Variants in PMFBP1 observed in about 807,000 individuals in gnomAD.
PMFBP1 encodes the protein polyamine-modulated factor 1-binding protein 1.
Under a neutral mutation model 137.8 loss-of-function variants are expected in PMFBP1, and 131 were observed. That is an observed-to-expected ratio of 0.95 (90% confidence interval 0.82 to 1.10). The LOEUF is 1.10. PMFBP1 is among the 50% of genes least tolerant of loss of function. The probability of loss-of-function intolerance (pLI) is 0.00; values close to 1 mark genes in which losing one functional copy is unlikely to be tolerated. For synonymous variants in PMFBP1, 490 were observed against 450.4 expected, an observed-to-expected ratio of 1.09 and a Z score of -1.11; for missense variants, 1,199 against 1,175.4, an observed-to-expected ratio of 1.02 and a Z score of -0.29.
intron 2 of PMFBP1, among the ~76,000 whole-genome samples, chr16:72,166,393 G>A (rs910734853): frequency 2.6e-5 from 4 of 152,082 alleles, no homozygotes; most frequent in Non-Finnish European, 4.4e-5. Context: ...GTTTCCTTAG[G>A]CCTCCCCAGC....
chr16:72,217,758 C>G, the PMFBP1 span, among the ~76,000 whole-genome samples: 1 of 152,106 alleles, frequency 6.6e-6, no homozygotes, highest in South Asian at 2.1e-4. Context: ...GAGGCTGAGG[C>G]AGGAGAATTG....
the PMFBP1 span, among the ~76,000 whole-genome samples, chr16:72,202,041 A>C: frequency 6.6e-6 from 1 of 152,234 alleles, no homozygotes; most frequent in Non-Finnish European, 1.5e-5. Context: ...GAGAGAAATT[A>C]CTTTTATTCA....
chr16:72,136,068 T>A (rs1395978733), intron 9 of PMFBP1, among the ~76,000 whole-genome samples: 1 of 152,114 alleles, frequency 6.6e-6, no homozygotes, highest in Non-Finnish European at 1.5e-5. Context: ...TATTTGTAAT[T>A]TTAAAAGTGA....
At chr16:72,127,653 A>C (rs1033323305) in intron 14 of PMFBP1, among the ~76,000 whole-genome samples, 2 of 152,244 alleles carry the variant, frequency 1.3e-5, no homozygotes, top group Non-Finnish European at 2.9e-5. Flanking sequence ...TTATAGAACC[A>C]AGAAGTTCTA....
At chr16:72,134,101 G>A (rs1434204883) in intron 9 of PMFBP1, among the ~76,000 whole-genome samples, 6 of 152,096 alleles carry the variant, frequency 3.9e-5, no homozygotes, top group Admixed American at 3.9e-4. Flanking sequence ...GGTCTCTCAA[G>A]TCGCCTGCTT....
At chr16:72,202,725 A>T in the PMFBP1 span, among the ~76,000 whole-genome samples, 4 of 152,198 alleles carry the variant, frequency 2.6e-5, no homozygotes, top group Admixed American at 6.5e-5. Flanking sequence ...TGCTGGGAGC[A>T]CACAGGCATG....
In PMFBP1 at chr16:72,132,824, C is replaced by T. The variant is rs1281972343; in HGVS notation, c.1371G>A (p.Glu457=). 1.2e-6 allele frequency: 2 copies of T among 1,614,098 alleles called. No homozygotes were observed. Among genetic ancestry groups the T allele is most frequent in the Non-Finnish European group, 1.7e-6 (2 of 1,180,042 alleles). Reference sequence around the variant, plus strand: ...GGACCTCAGCCTGCAGGGCCTTGCACTCCGCCTCCTTGGACTTGTCCTGCT... The same window carrying T: ...GGACCTCAGCCTGCAGGGCCTTGCATTCCGCCTCCTTGGACTTGTCCTGCT... ...EAKQDKSKEA[E]CKALQAEVQK... The change falls in exon 10 of 21, where the codon GAG becomes GAA. Residue 457 remains glutamate (E), a synonymous_variant. Transcript: ENST00000237353.
chr16:72,127,124 C>T (rs1242561955), intron 14 of PMFBP1, among the ~76,000 whole-genome samples: 1 of 152,200 alleles, frequency 6.6e-6, no homozygotes, highest in East Asian at 1.9e-4. Context: ...TTCTAGCACA[C>T]CTGCATCTGA....
intron 9 of PMFBP1, among the ~76,000 whole-genome samples, chr16:72,135,008 T>G (rs1004220580): frequency 6.6e-6 from 1 of 152,218 alleles, no homozygotes; most frequent in Non-Finnish European, 1.5e-5. Context: ...ATTTTAGGGC[T>G]CAAAAATATT....
At chr16:72,193,633 T>C in the PMFBP1 span, among the ~76,000 whole-genome samples, 3 of 151,620 alleles carry the variant, frequency 2.0e-5, no homozygotes, top group African/African-American at 4.8e-5. Flanking sequence ...CATCTGTGGA[T>C]GGAAAATTTA....
At chr16:72,204,702 C>T in the PMFBP1 span, among the ~76,000 whole-genome samples, 2 of 152,086 alleles carry the variant, frequency 1.3e-5, no homozygotes, top group African/African-American at 4.8e-5. Flanking sequence ...ACTTGATATA[C>T]CATTTTTTAT....
At position 72,130,366 on chromosome 16, in the gene PMFBP1, A is replaced by C. The variant is rs774813512; in HGVS notation, c.1638-9T>G. The C allele has an allele frequency of 3.1e-5, 50 of 1,614,042 alleles. No homozygotes were observed. The highest frequency in any genetic ancestry group is 5.9e-6 in the Non-Finnish European group (7 of 1,180,010). ...GCTCCTCCACCCGTTTTCTAAAGCAAAATAACAGCCACAGGAGGACAGACT... is the reference window on the plus strand; with the variant it reads ...GCTCCTCCACCCGTTTTCTAAAGCACAATAACAGCCACAGGAGGACAGACT... On this transcript the variant is annotated splice_polypyrimidine_tract_variant and intron_variant, in intron 11 of 20. Transcript: ENST00000237353.
chr16:72,247,017 G>A, the PMFBP1 span, among the ~76,000 whole-genome samples: 1 of 152,154 alleles, frequency 6.6e-6, no homozygotes, highest in African/African-American at 2.4e-5. Flanking sequence ...TGGGGCAGGC[G>A]ACGATGAAAG....
chr16:72,140,765 T>C (rs1409448601), intron 5 of PMFBP1, among the ~76,000 whole-genome samples, 183 bp from the exon 6 acceptor site: 1 of 152,062 alleles, frequency 6.6e-6, no homozygotes, highest in Non-Finnish European at 1.5e-5. Flanking sequence ...AAAGTCCAAA[T>C]GGTTCACAAG....
At chr16:72,126,646 A>G (rs143502686) in intron 14 of PMFBP1, among the ~76,000 whole-genome samples, 33 of 152,314 alleles carry the variant, frequency 2.2e-4, no homozygotes, top group African/African-American at 6.5e-4. Flanking sequence ...AATGCTCAAA[A>G]ATGGTCTTTG....
the PMFBP1 span, among the ~76,000 whole-genome samples, chr16:72,201,997 T>A: frequency 6.6e-6 from 1 of 152,248 alleles, no homozygotes; most frequent in East Asian, 1.9e-4. Flanking sequence ...TACCTTGTAA[T>A]AGAGTTATTT....
At chr16:72,218,860 A>G in the PMFBP1 span, among the ~76,000 whole-genome samples, 1 of 152,138 alleles carries the variant, frequency 6.6e-6, no homozygotes, top group Non-Finnish European at 1.5e-5. Context: ...TCTATGGGGT[A>G]TGGGAAAAAG....
the PMFBP1 span, among the ~76,000 whole-genome samples, chr16:72,227,151 T>C: frequency 6.6e-6 from 1 of 152,156 alleles, no homozygotes. Flanking sequence ...CTTAGCTTAA[T>C]GTCCGCATTT....
At chr16:72,135,463 C>A (rs1161460273) in intron 9 of PMFBP1, among the ~76,000 whole-genome samples, 1 of 151,552 alleles carries the variant, frequency 6.6e-6, no homozygotes, top group East Asian at 1.9e-4. Flanking sequence ...GTGATCCACC[C>A]ACCTCGGCCT....
Sources: allele counts gnomAD v4.1 joint callset (sites outside exome capture counted in the v4.1 genomes callset), GRCh38; gene constraint gnomAD v4.1.1; transcripts MANE v1.5; gene names NCBI Gene and HGNC (gene_info 2026-07-23, HGNC 2026-07-21).